ATE1: variants seen among roughly 807,000 people sequenced by gnomAD.
ATE1 encodes the protein arginyltransferase 1.
A neutral mutation model predicts 70.5 loss-of-function variants in ATE1; 36 were observed. The ratio of observed to expected loss-of-function variants is 0.51; its 90% CI spans 0.39 to 0.67. The LOEUF (loss-of-function observed/expected upper bound fraction) is 0.67. Ranked by LOEUF, ATE1 falls within the 30% of genes least tolerant of loss-of-function variation. The probability of loss-of-function intolerance (pLI) is 0.00; values close to 1 mark genes in which losing one functional copy is unlikely to be tolerated. For missense variants in ATE1, 593 were observed against 629.5 expected, an observed-to-expected ratio of 0.94 and a Z score of 0.62; for synonymous variants, 232 against 219.3, an observed-to-expected ratio of 1.06 and a Z score of -0.51.
chr10:121,910,960 A>G lies in ATE1; in HGVS notation c.529T>C (p.Leu177=). ...LQSQDFVGEK[L]GSGEPSHSVK... Reference sequence around the variant, plus strand: ...GAATGTGACGGTTCACCAGAGCCCAACTTCTCTCCTACGAAATCTTGTGAC... The same window carrying G: ...GAATGTGACGGTTCACCAGAGCCCAGCTTCTCTCCTACGAAATCTTGTGAC... Residue 177 remains leucine, a synonymous_variant, in exon 5 of 12, where the codon TTG becomes CTG. Coordinates refer to ENST00000224652, the MANE Select transcript of ATE1 (RefSeq NM_001001976.3). 3 of 1,613,968 alleles carry G rather than the reference A, an allele frequency of 1.9e-6. No individual in the cohort carries two copies. Among genetic ancestry groups the G allele is most frequent in the Non-Finnish European group, 2.5e-6 (3 of 1,180,018 alleles).
intron 10 of ATE1, among the ~76,000 whole-genome samples, chr10:121,808,860 G>A (rs1051954465): frequency 6.6e-6 from 1 of 152,126 alleles, no homozygotes; most frequent in African/African-American, 2.4e-5. Context: ...TTTCTTAAAG[G>A]TTATTCCCAA....
At chr10:121,809,214 T>C (rs1335202298) in intron 10 of ATE1, among the ~76,000 whole-genome samples, 1 of 152,184 alleles carries the variant, frequency 6.6e-6, no homozygotes, top group African/African-American at 2.4e-5. Flanking sequence ...GTGTCAGCTG[T>C]TTTCCTTGAA....
At chr10:121,880,382 T>C (rs1015837264) in intron 7 of ATE1, among the ~76,000 whole-genome samples, 2 of 152,068 alleles carry the variant, frequency 1.3e-5, no homozygotes, top group East Asian at 1.9e-4. Context: ...ACATGTCTTA[T>C]TCATCTATGC....
At position 121,911,440 on chromosome 10, in the gene ATE1, A is replaced by AT. The variant is rs1342635304; in HGVS notation, c.338-290dup. On this transcript the variant is annotated intron_variant, in intron 4 of 11. Coordinates refer to ENST00000224652, the MANE Select transcript of ATE1 (RefSeq NM_001001976.3). ...TAGTGAGACACTATCTCTACAGTAA[A>AT]TTAAAAAAAAAAAAAAAAAACAAAA... 4.1e-5 allele frequency among the ~76,000 whole-genome samples: 5 copies of AT among 122,894 alleles called. No individual in the cohort carries two copies. In the South Asian group the frequency reaches 9.0e-4, roughly 22 times the overall value. The allele number at this position is 122,894 out of a possible 152,430, so 80.6% of individuals were successfully genotyped here.
intron 10 of ATE1, among the ~76,000 whole-genome samples, chr10:121,794,661 T>TAAAAAAAAA (rs374044559): frequency 2.1e-4 from 14 of 65,690 alleles, no homozygotes; most frequent in African/African-American, 3.8e-4. Flanking sequence ...GAATGTCTGG[T>TAAAAAAAAA]AAAAAAAAAA....
chr10:121,863,926 T>C (rs1046498194), intron 8 of ATE1, among the ~76,000 whole-genome samples: 1 of 152,364 alleles, frequency 6.6e-6, no homozygotes, highest in Non-Finnish European at 1.5e-5. Flanking sequence ...AGTATTCGTA[T>C]AGTAGTGTTT....
At chr10:121,770,448 G>C (rs955233240) in intron 11 of ATE1, among the ~76,000 whole-genome samples, 1 of 152,026 alleles carries the variant, frequency 6.6e-6, no homozygotes, top group Non-Finnish European at 1.5e-5. Flanking sequence ...TCAGGATACT[G>C]CTGATTTTTA....
In ATE1 at chr10:121,761,068, G is replaced by A. The variant is rs555530341; in HGVS notation, c.1379-17210C>T. 1.7e-4 allele frequency among the ~76,000 whole-genome samples: 26 copies of A among 152,266 alleles called. No individual in the cohort carries two copies. The East Asian group carries it at 3.7e-3, about 21-fold the overall frequency. Reference sequence around the variant, plus strand: ...TCCCACAAGAGCTGGTTGGTAAGAAGAGCCTGCCACCTTCCTCTCCTCTCT... The same window carrying A: ...TCCCACAAGAGCTGGTTGGTAAGAAAAGCCTGCCACCTTCCTCTCCTCTCT... On this transcript the variant is annotated intron_variant, in intron 11 of 11. Transcript: ENST00000224652.
chr10:121,759,157 A>C (rs1244647605), intron 11 of ATE1, among the ~76,000 whole-genome samples: 1 of 152,224 alleles, frequency 6.6e-6, no homozygotes, highest in Non-Finnish European at 1.5e-5. Context: ...ACAAAAGAAA[A>C]GTTCTTCACA....
chr10:121,848,979 A>G (rs1345329393), intron 8 of ATE1, among the ~76,000 whole-genome samples: 13 of 145,920 alleles, frequency 8.9e-5, no homozygotes, highest in Middle Eastern at 4.2e-3. Flanking sequence ...GGGAGGCCGA[A>G]GCGGGCAGAT....
chr10:121,750,406 A>G (rs533738641), intron 11 of ATE1, among the ~76,000 whole-genome samples: 6 of 152,374 alleles, frequency 3.9e-5, no homozygotes, highest in African/African-American at 1.2e-4. Flanking sequence ...ATTTCATACA[A>G]TAACAACCAA....
intron 11 of ATE1, among the ~76,000 whole-genome samples, chr10:121,757,603 C>G (rs1944861074): frequency 1.3e-5 from 2 of 152,334 alleles, no homozygotes; most frequent in African/African-American, 4.8e-5. Context: ...CAAGTCACAT[C>G]TTACATGGAT....
chr10:121,757,353 G>C (rs1390737196), intron 11 of ATE1, among the ~76,000 whole-genome samples: 2 of 152,100 alleles, frequency 1.3e-5, no homozygotes, highest in Non-Finnish European at 2.9e-5. Flanking sequence ...GTCTTCTTCT[G>C]AGCCCTACAA....
At chr10:121,915,174 C>T (rs896927367) in intron 3 of ATE1, among the ~76,000 whole-genome samples, 1 of 152,170 alleles carries the variant, frequency 6.6e-6, no homozygotes, top group African/African-American at 2.4e-5. Flanking sequence ...TTAGGAAGAT[C>T]TCGTTTATTA....
At chr10:121,860,431 T>C (rs1340637604) in intron 8 of ATE1, among the ~76,000 whole-genome samples, 1 of 152,208 alleles carries the variant, frequency 6.6e-6, no homozygotes, top group Admixed American at 6.5e-5. Context: ...ACTTACTACT[T>C]ACTAAACCAA....
intron 11 of ATE1, among the ~76,000 whole-genome samples, chr10:121,760,228 C>A (rs1306452718): frequency 6.6e-6 from 1 of 152,188 alleles, no homozygotes; most frequent in African/African-American, 2.4e-5. Context: ...GCCCATGGAT[C>A]AAGGAATATT....
rs116710737 is a variant in ATE1, at chr10:121,772,565, G to A, written c.1378+17604C>T. ...TTCGGAATGAAAGGCCCTGTCTCAC[G>A]CCTCACAGCCTGAAGTAGTCTGTGT... On this transcript the variant is annotated intron_variant, in intron 11 of 11. Transcript: ENST00000224652. Among the ~76,000 whole-genome samples the A allele has an allele frequency of 4.3e-3, 659 of 152,262 alleles. 5 individuals carry two copies. The highest frequency in any genetic ancestry group is 0.015 in the African/African-American group (633 of 41,540).
At chr10:121,811,348 T>G (rs141344787) in intron 10 of ATE1, among the ~76,000 whole-genome samples, 1 of 152,144 alleles carries the variant, frequency 6.6e-6, no homozygotes, top group Non-Finnish European at 1.5e-5. Flanking sequence ...ATACTACCAA[T>G]AGGTAAATCT....
At chr10:121,898,876 G>A (rs1244723464) in intron 7 of ATE1, 9 of 1,613,858 alleles carry the variant, frequency 5.6e-6, no homozygotes, top group Non-Finnish European at 7.6e-6. Flanking sequence ...GGATCCTGGT[G>A]TATGGCCACT....
Sources: allele counts gnomAD v4.1 joint callset (sites outside exome capture counted in the v4.1 genomes callset), GRCh38; gene constraint gnomAD v4.1.1; transcripts MANE v1.5; gene names NCBI Gene and HGNC (gene_info 2026-07-23, HGNC 2026-07-21).